The following GTF2E2 variants were observed in gnomAD, a reference collection of about 807,000 sequenced individuals.
The protein encoded by GTF2E2 is transcription initiation factor IIE subunit beta.
A neutral mutation model predicts 40.5 loss-of-function variants in GTF2E2; 21 were observed. That is an observed-to-expected ratio of 0.52 (90% CI 0.37 to 0.75). GTF2E2 has a LOEUF of 0.75. Among genes scored for constraint, GTF2E2 ranks in the 30% least tolerant of loss-of-function variants. GTF2E2 has a pLI of 0.00. For missense variants in GTF2E2, 298 were observed against 338.4 expected (o/e 0.88, Z 0.94); for synonymous variants, 117 against 121.6 (o/e 0.96, Z 0.25).
chr8:30,604,622 T>C (rs941259796), intron 6 of GTF2E2, among the ~76,000 whole-genome samples: 7 of 152,212 alleles, frequency 4.6e-5, no homozygotes, highest in Admixed American at 3.9e-4. Flanking sequence ...ACAGAACTTG[T>C]TCCTGATTAT....
chr8:30,628,826 G>A (rs1437745468), intron 3 of GTF2E2, among the ~76,000 whole-genome samples: 1 of 151,966 alleles, frequency 6.6e-6, no homozygotes, highest in Non-Finnish European at 1.5e-5. Context: ...AGCTACTTAG[G>A]AGGCTGAGGC....
At chr8:30,622,891 C>T (rs1406287834) in intron 3 of GTF2E2, among the ~76,000 whole-genome samples, 2 of 152,040 alleles carry the variant, frequency 1.3e-5, no homozygotes, top group East Asian at 3.8e-4. Flanking sequence ...TTACCCTGTT[C>T]TTTTTTCAAG....
intron 2 of GTF2E2, among the ~76,000 whole-genome samples, chr8:30,652,920 G>A (rs1050386931): frequency 1.3e-5 from 2 of 152,086 alleles, no homozygotes; most frequent in Admixed American, 1.3e-4. Flanking sequence ...TACATGGATG[G>A]AACTCAAAAA....
At chr8:30,636,754 T>C (rs1801614341) in intron 2 of GTF2E2, among the ~76,000 whole-genome samples, 1 of 151,730 alleles carries the variant, frequency 6.6e-6, no homozygotes, top group Non-Finnish European at 1.5e-5. Flanking sequence ...TAGTCTCAGC[T>C]ACTTGGGAGA....
At chr8:30,612,202 G>T in intron 5 of GTF2E2, 97 bp downstream of exon 5, 1 of 828,870 alleles carries the variant, frequency 1.2e-6, no homozygotes. Flanking sequence ...TATAATAGAA[G>T]CTTTAAAAAC....
At chr8:30,601,730 A>T (rs1829186810) in intron 6 of GTF2E2, among the ~76,000 whole-genome samples, 1 of 152,212 alleles carries the variant, frequency 6.6e-6, no homozygotes, top group Non-Finnish European at 1.5e-5. Flanking sequence ...ACTTTTAATA[A>T]ACTTTTCTAG....
intron 3 of GTF2E2, among the ~76,000 whole-genome samples, chr8:30,619,411 G>A (rs1344399969): frequency 1.4e-5 from 2 of 147,840 alleles, no homozygotes; most frequent in East Asian, 4.0e-4. Flanking sequence ...TTTTTGAGAC[G>A]GAGTTTCGCT....
chr8:30,650,786 C>T (rs1192701476), intron 2 of GTF2E2, among the ~76,000 whole-genome samples: 4 of 151,946 alleles, frequency 2.6e-5, no homozygotes, highest in South Asian at 2.1e-4. Context: ...GAGGCCAAGG[C>T]GGGTGGATCA....
intron 6 of GTF2E2, chr8:30,596,896 G>C (rs1186206810): frequency 6.6e-6 from 1 of 152,350 alleles, no homozygotes; most frequent in Non-Finnish European, 1.5e-5. Context: ...GCTTCGAACT[G>C]TGTTAGGGTA....
chr8:30,587,168 T>C (rs1188963700), intron 6 of GTF2E2, among the ~76,000 whole-genome samples: 1 of 152,134 alleles, frequency 6.6e-6, no homozygotes, highest in Non-Finnish European at 1.5e-5. Flanking sequence ...CCCAGCACTT[T>C]GGGAGGGCGA....
chr8:30,646,385 G>A (rs1398532603), intron 2 of GTF2E2, among the ~76,000 whole-genome samples: 1 of 151,504 alleles, frequency 6.6e-6, no homozygotes, highest in Non-Finnish European at 1.5e-5. Context: ...CAAAAGATAG[G>A]GCCACTCAAC....
chr8:30,587,203 G>T (rs910101858), intron 6 of GTF2E2, among the ~76,000 whole-genome samples: 58 of 152,022 alleles, frequency 3.8e-4, no homozygotes, highest in African/African-American at 1.3e-3. Flanking sequence ...TTGAGCCTAG[G>T]AGTTTGAGAC....
intron 2 of GTF2E2, among the ~76,000 whole-genome samples, chr8:30,644,923 G>T (rs545955811): frequency 8.6e-5 from 13 of 151,694 alleles, no homozygotes; most frequent in Admixed American, 3.3e-4. Context: ...GCTAATTTTT[G>T]TATGTTTTGT....
intron 6 of GTF2E2, among the ~76,000 whole-genome samples, chr8:30,591,275 C>T (rs1263178465): frequency 2.0e-5 from 3 of 152,054 alleles, no homozygotes; most frequent in Non-Finnish European, 2.9e-5. Context: ...TACTTGAGGC[C>T]AGGAGTTCAA....
At chr8:30,644,521 T>C (rs1172431798) in intron 2 of GTF2E2, 1 of 152,152 alleles carries the variant, frequency 6.6e-6, no homozygotes, top group African/African-American at 2.4e-5. Flanking sequence ...TCACCTGTCA[T>C]CGAAGTTTAA....
At chr8:30,654,776 G>A (rs910254290) in intron 1 of GTF2E2, among the ~76,000 whole-genome samples, 2 of 152,160 alleles carry the variant, frequency 1.3e-5, no homozygotes, top group African/African-American at 4.8e-5. Context: ...CAACACTGCT[G>A]TAGAAACATG....
intron 3 of GTF2E2, among the ~76,000 whole-genome samples, chr8:30,621,213 AAT>A (rs1440506224): frequency 1.3e-5 from 2 of 152,124 alleles, no homozygotes; most frequent in Non-Finnish European, 2.9e-5. Context: ...GGAAAATAAG[AAT>A]ACACCTCAAG....
At chr8:30,645,152 T>C in intron 2 of GTF2E2, 1 of 820,218 alleles carries the variant, frequency 1.2e-6, no homozygotes, top group Non-Finnish European at 1.8e-6. Context: ...AATTCAAAAC[T>C]ACCATTTAGG....
chr8:30,635,150 G>A (rs749181261), intron 2 of GTF2E2, 27 bp from the exon 3 acceptor site: 43 of 1,206,388 alleles, frequency 3.6e-5, no homozygotes, highest in East Asian at 3.0e-4. Context: ...AAATAACATC[G>A]TCATATTATG....
Sources: gnomAD v4.1 joint callset for allele counts (sites outside exome capture counted in the v4.1 genomes callset) on GRCh38, gnomAD v4.1.1 for gene constraint, MANE v1.5 for transcripts, NCBI Gene and HGNC (gene_info 2026-07-23, HGNC 2026-07-21) for gene names.